The following STK17A variants were observed in gnomAD, a reference collection of about 807,000 sequenced individuals.
The protein encoded by STK17A is serine/threonine-protein kinase 17A.
STK17A carries 26 observed loss-of-function variants against 43.7 expected under a neutral mutation model. That is an observed-to-expected ratio of 0.60 (90% CI 0.44 to 0.83). The LOEUF is 0.83. Among genes scored for constraint, STK17A ranks in the 40% least tolerant of loss-of-function variants. STK17A has a pLI of 0.00. For missense variants in STK17A, 476 were observed against 511.6 expected, an observed-to-expected ratio of 0.93 and a Z score of 0.67; for synonymous variants, 191 against 182.5, an observed-to-expected ratio of 1.05 and a Z score of -0.38.
chr7:43,600,728 G>C (rs2082549498), intron 2 of STK17A, among the ~76,000 whole-genome samples: 1 of 152,080 alleles, frequency 6.6e-6, no homozygotes, highest in South Asian at 2.1e-4. Context: ...TTTTAACCCA[G>C]CACTTTTACT....
At position 43,613,404 on chromosome 7, in the gene STK17A, G is replaced by A. The variant is rs372553831; in HGVS notation, c.564+5004G>A. Among the ~76,000 whole-genome samples the A allele has an allele frequency of 1.4e-4, 22 of 152,302 alleles. No individual in the cohort carries two copies. The South Asian group carries it at 2.3e-3, about 16-fold the overall frequency. On this transcript the variant is annotated intron_variant, in intron 3 of 6. Coordinates refer to ENST00000319357, the MANE Select transcript of STK17A (RefSeq NM_004760.3). ...TGTGCTTAGGTTATATGCAAATACTGTACCATTTCCTATCAGGAACTTGAG... is the reference window on the plus strand; with the variant it reads ...TGTGCTTAGGTTATATGCAAATACTATACCATTTCCTATCAGGAACTTGAG...
intron 2 of STK17A, among the ~76,000 whole-genome samples, chr7:43,599,497 A>G (rs553878171): frequency 6.6e-6 from 1 of 152,358 alleles, no homozygotes; most frequent in Non-Finnish European, 1.5e-5. Flanking sequence ...GTAGCCTTGT[A>G]TGCTTAACTT....
chr7:43,600,177 T>C (rs1007340747), intron 2 of STK17A, among the ~76,000 whole-genome samples: 6 of 152,186 alleles, frequency 3.9e-5, no homozygotes, highest in Non-Finnish European at 8.8e-5. Context: ...CCTTGTCAGT[T>C]TGGCACCCAT....
chr7:43,583,123 CGCTGGGGAGAGCGGGTGTTTGAAG>C lies in STK17A; in HGVS notation c.-117_-94del. On this transcript the variant is annotated 5_prime_UTR_variant, in exon 1 of 7. Coordinates refer to ENST00000319357, the MANE Select transcript of STK17A (RefSeq NM_004760.3). ...TCTGCCTGCCGCAGTCCGAGCGCCGCGCTGGGGAGAGCGGGTGTTTGAAGGCTCCGCGGACCGGCACTAGGAGCC... is the reference window on the plus strand; with the variant it reads ...TCTGCCTGCCGCAGTCCGAGCGCCGCGCTCCGCGGACCGGCACTAGGAGCC... The C allele has an allele frequency of 2.7e-6, 3 of 1,096,444 alleles. No homozygotes were observed. Among genetic ancestry groups the C allele is most frequent in the Non-Finnish European group, 3.9e-6 (3 of 778,966 alleles). 67.9% of individuals were successfully genotyped at this position (1,096,444 alleles called of 1,614,324 possible).
chr7:43,595,946 G>A lies in STK17A; in HGVS notation c.252G>A (p.Gly84=). ...GAAAATGTATAAAGAAAGATTCTGG[G>A]AAAGAATTTGCTGCAAAGTTCATGA... The part of the protein sequence containing the change: ...VVRKCIKKDS[G]KEFAAKFMRK... The change falls in exon 2 of 7, where the codon GGG becomes GGA. Residue 84 remains glycine (G), a synonymous_variant. Transcript: ENST00000319357. 6.2e-7 allele frequency: 1 copy of A among 1,613,818 alleles called. No individual in the cohort carries two copies. Among genetic ancestry groups the A allele is most frequent in the East Asian group, 2.2e-5 (1 of 44,824 alleles).
intron 2 of STK17A, among the ~76,000 whole-genome samples, chr7:43,603,958 A>G (rs2082572588): frequency 6.6e-6 from 1 of 152,218 alleles, no homozygotes; most frequent in African/African-American, 2.4e-5. Flanking sequence ...ATTTCAAAAT[A>G]TGAAATCCCA....
Position 43,583,431 on chromosome 7 carries a change from C to T in STK17A, c.188C>T (p.Pro63Leu), listed in dbSNP as rs760666031. The T allele has an allele frequency of 2.5e-5, 35 of 1,375,324 alleles. No individual in the cohort carries two copies. The highest frequency in any genetic ancestry group is 3.3e-5 in the Non-Finnish European group (35 of 1,065,128). The allele number at this position is 1,375,324 out of a possible 1,614,324, so 85.2% of individuals were successfully genotyped here. Residue 63 changes from proline to leucine, a missense_variant, in exon 1 of 7, where the codon CCG becomes CTG. This residue lies in a region of STK17A where 320 missense variants were observed against 326.3 expected (regional missense o/e 0.98). Transcript: ENST00000319357. ...TTCCAGGACGGCTACAGCCTGTGCC[C>T]GGGCCGGGAGCTGGGCAGGTGAGGA... The part of the protein sequence containing the change: ...EPFQDGYSLC[P>L]GRELGRGKFA...
Position 43,624,904 on chromosome 7 carries a change from C to A in STK17A, c.*62C>A. The A allele has an allele frequency of 1.4e-6, 2 of 1,391,266 alleles. No homozygotes were observed. Among genetic ancestry groups the A allele is most frequent in the Non-Finnish European group, 9.8e-7 (1 of 1,025,466 alleles). 86.2% of individuals were successfully genotyped at this position (1,391,266 alleles called of 1,614,324 possible). A position where few individuals can be genotyped will look rare whatever the true frequency, so the allele number is the denominator to read the frequency against. On this transcript the variant is annotated 3_prime_UTR_variant, in exon 7 of 7. Transcript: ENST00000319357. The stretch of plus-strand genomic sequence containing the variant: ...TGAAAATGTTAATATTATTTATGGA[C>A]CTCTGGCCAAATGGTACATGTACTG...
intron 3 of STK17A, among the ~76,000 whole-genome samples, chr7:43,618,647 T>C (rs2083566926): frequency 6.6e-6 from 1 of 152,250 alleles, no homozygotes. Context: ...AAAAATTTAA[T>C]GAATTTTACA....
intron 1 of STK17A, among the ~76,000 whole-genome samples, chr7:43,594,726 C>T (rs1353032543): frequency 6.6e-6 from 1 of 151,546 alleles, no homozygotes; most frequent in East Asian, 1.9e-4. Context: ...TTCTTAGAAC[C>T]CTGTGAAGTA....
chr7:43,618,395 CTG>C (rs2083544364), intron 3 of STK17A, among the ~76,000 whole-genome samples: 1 of 152,096 alleles, frequency 6.6e-6, no homozygotes, highest in Non-Finnish European at 1.5e-5. Flanking sequence ...GTGGGAGTAG[CTG>C]TGTTATTTAG....
intron 4 of STK17A, among the ~76,000 whole-genome samples, chr7:43,621,593 G>A (rs114224365): frequency 0.014 from 2,108 of 152,152 alleles, 37 homozygotes; most frequent in African/African-American, 0.048. Context: ...TCAGCCTCCC[G>A]AGTAGCTGGG....
At chr7:43,587,232 G>T (rs2082449733) in intron 1 of STK17A, among the ~76,000 whole-genome samples, 2 of 131,710 alleles carry the variant, frequency 1.5e-5, no homozygotes, top group Non-Finnish European at 3.1e-5. Context: ...TCAGCTCACC[G>T]CAAGACCCGC....
intron 1 of STK17A, among the ~76,000 whole-genome samples, chr7:43,595,244 A>T (rs1005204875): frequency 6.8e-6 from 1 of 147,638 alleles, no homozygotes; most frequent in African/African-American, 2.5e-5. Flanking sequence ...CTGGTGACCA[A>T]TTTCTATTAA....
At chr7:43,593,974 A>C (rs1322008314) in intron 1 of STK17A, among the ~76,000 whole-genome samples, 2 of 152,190 alleles carry the variant, frequency 1.3e-5, no homozygotes, top group Non-Finnish European at 2.9e-5. Context: ...TTAACAATCA[A>C]TCTTAGGTTG....
At chr7:43,594,893 A>AAAAAAAAT (rs34954300) in intron 1 of STK17A, among the ~76,000 whole-genome samples, 1 of 147,502 alleles carries the variant, frequency 6.8e-6, no homozygotes, top group Non-Finnish European at 1.5e-5. Flanking sequence ...AAAAAAAAGA[A>AAAAAAAAT]AGAAAGAAAA....
intron 3 of STK17A, among the ~76,000 whole-genome samples, chr7:43,615,389 C>A (rs1347784858): frequency 6.6e-6 from 1 of 152,016 alleles, no homozygotes; most frequent in Non-Finnish European, 1.5e-5. Flanking sequence ...GTTGCCCAGG[C>A]TGGTCTCGAA....
chr7:43,594,147 A>G (rs1234329341), intron 1 of STK17A, among the ~76,000 whole-genome samples: 2 of 152,130 alleles, frequency 1.3e-5, no homozygotes, highest in East Asian at 1.9e-4. Context: ...AATCCCAGCT[A>G]TACAGGAGGC....
At chr7:43,583,805 C>T (rs2082420316) in intron 1 of STK17A, among the ~76,000 whole-genome samples, 1 of 152,192 alleles carries the variant, frequency 6.6e-6, no homozygotes, top group South Asian at 2.1e-4. Flanking sequence ...GTCTGAAAAC[C>T]AGAGGTCTGT....
Sources: gnomAD v4.1 joint callset for allele counts (sites outside exome capture counted in the v4.1 genomes callset) on GRCh38, gnomAD v4.1.1 for gene constraint, gnomAD v4.1.1 regional missense constraint, MANE v1.5 for transcripts, NCBI Gene and HGNC (gene_info 2026-07-23, HGNC 2026-07-21) for gene names.